Variants in IL4I1 observed in about 807,000 individuals in gnomAD.
IL4I1 encodes L-amino-acid oxidase.
IL4I1 carries 24 observed loss-of-function variants against 29.7 expected under a neutral mutation model. The ratio of observed to expected loss-of-function variants is 0.81; its 90% CI spans 0.59 to 1.14. The LOEUF is 1.14. IL4I1 is among the 50% of genes most tolerant of loss of function. The probability of loss-of-function intolerance (pLI) is 0.00; values close to 1 mark genes in which losing one functional copy is unlikely to be tolerated. For synonymous variants in IL4I1, 371 were observed against 352.5 expected (o/e 1.05, Z -0.59); for missense variants, 686 against 785.6 (o/e 0.87, Z 1.52).
rs564387914 is a variant in IL4I1, at chr19:49,922,194, C to G, written c.-228+5500G>C. Among the ~76,000 whole-genome samples the G allele has an allele frequency of 2.4e-3, 365 of 152,362 alleles. 3 individuals are homozygous for G. The highest frequency in any genetic ancestry group is 8.5e-3 in the African/African-American group (355 of 41,590). On this transcript the variant is annotated intron_variant, in intron 2 of 9. Transcript: ENST00000341114. ...AATAGATGCGAGTCATGGGCTTGCC[C>G]CTGACACAGCCCAACTCCTCAAGTT...
At chr19:49,890,914 C>T (rs1410178878) in intron 7 of IL4I1, 57 bp downstream of exon 7, 8 of 1,266,000 alleles carry the variant, frequency 6.3e-6, no homozygotes, top group East Asian at 2.6e-5. Context: ...CCACTCCCTG[C>T]TACTTTCCCT....
intron 2 of IL4I1, chr19:49,907,320 G>A (rs56779488): frequency 0.077 from 24,040 of 313,756 alleles, 1,898 homozygotes; most frequent in East Asian, 0.27. Context: ...AGGTGGGGGT[G>A]AGCCTGGGCC....
chr19:49,901,039 G>T (rs907903746), upstream of IL4I1, among the ~76,000 whole-genome samples: 2 of 152,152 alleles, frequency 1.3e-5, no homozygotes, highest in African/African-American at 4.8e-5. Context: ...ACGTATATAC[G>T]CATTCTCTTC....
At chr19:49,911,999 C>T (rs961859490) in intron 2 of IL4I1, among the ~76,000 whole-genome samples, 7 of 152,210 alleles carry the variant, frequency 4.6e-5, no homozygotes, top group Admixed American at 3.9e-4. Context: ...TGAGCAGCTA[C>T]ACCTACACAT....
Position 49,891,096 on chromosome 19 carries a change from G to A in IL4I1, c.648C>T (p.Leu216=), listed in dbSNP as rs762986640. ...CCGGCCGGCTCAGGTTCCCCTCCCC[G>A]AGAAGATATTCCTGCAGGTTGGGCA... ...FERHTLLEYL[L]GEGNLSRPAV... The change falls in exon 7 of 8, where the codon CTC becomes CTT. Residue 216 remains leucine, a synonymous_variant. Coordinates refer to ENST00000391826, the MANE Select transcript of IL4I1 (RefSeq NM_152899.2). 8.1e-6 allele frequency: 13 copies of A among 1,612,796 alleles called. No homozygotes were observed. Among genetic ancestry groups the A allele is most frequent in the South Asian group, 3.3e-5 (3 of 91,034 alleles).
intron 5 of IL4I1, among the ~76,000 whole-genome samples, chr19:49,893,243 A>C (rs2075161683): frequency 6.6e-6 from 1 of 151,762 alleles, no homozygotes; most frequent in African/African-American, 2.4e-5. Flanking sequence ...TTCTGGTACC[A>C]GGCTGGGGAG....
intron 4 of IL4I1, 26 bp downstream of exon 4, chr19:49,895,042 C>G: frequency 6.3e-7 from 1 of 1,581,998 alleles, no homozygotes. Context: ...AGTCTAGGCA[C>G]ACAGGTGGGT....
chr19:49,918,140 C>A (rs1239121676), intron 2 of IL4I1, among the ~76,000 whole-genome samples: 1 of 151,632 alleles, frequency 6.6e-6, no homozygotes, highest in Non-Finnish European at 1.5e-5. Context: ...AATCACAGCT[C>A]ACTGCAGCCT....
At chr19:49,895,251 C>T in intron 3 of IL4I1, 71 bp from the exon 4 acceptor site, 1 of 1,240,136 alleles carries the variant, frequency 8.1e-7, no homozygotes, top group Non-Finnish European at 1.2e-6. Flanking sequence ...CTCTACCACC[C>T]CGTGCCAGCC....
Position 49,895,942 on chromosome 19 carries a change from T to C in IL4I1, c.125A>G (p.Tyr42Cys). Residue 42 changes from tyrosine (Y) to cysteine (C), a missense_variant, in exon 3 of 8, where the codon TAT (tyrosine) becomes TGT (cysteine). Tyr to Cys is a radical substitution (Grantham distance 194). Transcript: ENST00000391826. ...PFEKCMQDPD[Y>C]EQLLKVVTWG... ...GGTCACCACCTTGAGCAGCTGCTCA[T>C]AGTCAGGATCCTGCATGCATTTCTC... 6.2e-7 allele frequency: 1 copy of C among 1,614,144 alleles called. No individual in the cohort carries two copies. Among genetic ancestry groups the C allele is most frequent in the Non-Finnish European group, 8.5e-7 (1 of 1,180,024 alleles).
chr19:49,916,504 T>G (rs1164562965), intron 2 of IL4I1, among the ~76,000 whole-genome samples: 3 of 151,572 alleles, frequency 2.0e-5, no homozygotes, highest in Non-Finnish European at 4.4e-5. Context: ...CCAGGCGCGG[T>G]GGCTCACGCC....
At position 49,890,452 on chromosome 19, in the gene IL4I1, G is replaced by A. The variant is rs747563964; in HGVS notation, c.922C>T (p.Arg308Trp). Residue 308 changes from arginine to tryptophan, a missense_variant, in exon 8 of 8, where the codon CGG becomes TGG. Coordinates refer to ENST00000391826, the MANE Select transcript of IL4I1 (RefSeq NM_152899.2). ...HVQIETSPPARNLKVLKADVV... is the reference protein window; with the variant it reads ...HVQIETSPPAWNLKVLKADVV... ...TCGGCCTTCAGCACCTTCAGATTCC[G>A]CGCCGGGGGAGAGGTCTCGATCTGC... 6.2e-7 allele frequency: 1 copy of A among 1,611,818 alleles called. No homozygotes were observed. The highest frequency in any genetic ancestry group is 8.5e-7 in the Non-Finnish European group (1 of 1,179,782).
At chr19:49,890,929 G>GGGCCC in intron 7 of IL4I1, 42 bp downstream of exon 7, 1 of 454,452 alleles carries the variant, frequency 2.2e-6, no homozygotes, top group Non-Finnish European at 3.5e-6. Context: ...TTCCCTGATT[G>GGGCCC]CCCCCCGCCC....
chr19:49,908,937 C>T, intron 2 of IL4I1: 1 of 1,608,552 alleles, frequency 6.2e-7, no homozygotes, highest in Non-Finnish European at 8.5e-7. Context: ...AAATTCAAGG[C>T]AAAGCCGGTG....
rs1050506535 is a variant in IL4I1 at position 49,907,657 on chromosome 19, C to T, written c.-227-3336G>A. 2.8e-4 allele frequency: 104 copies of T among 372,052 alleles called. 2 individuals carry two copies. The highest frequency in any genetic ancestry group is 2.1e-3 in the South Asian group (99 of 48,262). The allele number at this position is 372,052 out of a possible 1,614,324, so 23.0% of individuals were successfully genotyped here. On this transcript the variant is annotated intron_variant, in intron 2 of 9. Coordinates refer to the IL4I1 transcript ENST00000341114. ...AAGTGATTCTCCTGCCTCAGCCTCC[C>T]GAGTAGCTGAGATTGAGATCACAGG...
Position 49,889,969 on chromosome 19 carries a change from A to G in IL4I1, c.1405T>C (p.Trp469Arg). ...PALWQTEKDD[W>R]TVPYGRIYFA... ...TAGATGCGGCCATAAGGGACCGTCC[A>G]GTCATCCTTTTCGGTTTGCCAGAGC... The change falls in exon 8 of 8, where the codon TGG becomes CGG. Residue 469 changes from tryptophan (W) to arginine (R), a missense_variant. Trp to Arg is a moderately radical substitution (Grantham distance 101, BLOSUM62 -3). Coordinates refer to ENST00000391826, the MANE Select transcript of IL4I1 (RefSeq NM_152899.2). 1 of 1,581,538 alleles carries G rather than the reference A, an allele frequency of 6.3e-7. No homozygotes were observed. The highest frequency in any genetic ancestry group is 8.6e-7 in the Non-Finnish European group (1 of 1,164,088).
At chr19:49,898,172 T>G (rs2122541469), upstream of IL4I1, among the ~76,000 whole-genome samples, 1 of 150,632 alleles carries the variant, frequency 6.6e-6, no homozygotes, top group Non-Finnish European at 1.5e-5. Context: ...AATATAAAAA[T>G]TAGCCGGGCA....
At chr19:49,915,387 T>G (rs1180579965) in intron 2 of IL4I1, among the ~76,000 whole-genome samples, 1 of 152,094 alleles carries the variant, frequency 6.6e-6, no homozygotes, top group Non-Finnish European at 1.5e-5. Flanking sequence ...GCTGCTGGCT[T>G]TGAAGATGAG....
rs990223892 is a variant in IL4I1, at chr19:49,921,068, T to G, written c.-228+6626A>C. Reference sequence around the variant, plus strand: ...ACTGGAAGCAAACACAGCCCCTTCCTGCCTCGGCGGACATCTCCACACCCA... The same window carrying G: ...ACTGGAAGCAAACACAGCCCCTTCCGGCCTCGGCGGACATCTCCACACCCA... On this transcript the variant is annotated intron_variant, in intron 2 of 9. Coordinates refer to the IL4I1 transcript ENST00000341114. The surrounding 1 kb of genome is among the most constrained non-coding windows in gnomAD (Gnocchi z 5.4). Among the ~76,000 whole-genome samples, 3 of 152,142 alleles carry G rather than the reference T, an allele frequency of 2.0e-5. No individual in the cohort carries two copies. Among genetic ancestry groups the G allele is most frequent in the African/African-American group, 7.2e-5 (3 of 41,420 alleles).
Sources: allele counts gnomAD v4.1 joint callset (sites outside exome capture counted in the v4.1 genomes callset), GRCh38; gene constraint gnomAD v4.1.1; non-coding constraint Gnocchi (gnomAD v3.1); transcripts MANE v1.5; gene names NCBI Gene and HGNC (gene_info 2026-07-23, HGNC 2026-07-21).